Variants in MYH11 observed in about 807,000 individuals in gnomAD.
MYH11 encodes the protein myosin-11.
MYH11 carries 80 observed loss-of-function variants against 246.6 expected under a neutral mutation model. The observed-to-expected ratio is 0.32, with a 90% CI of 0.27 to 0.39. The LOEUF is 0.39. Ranked by LOEUF, MYH11 falls within the 10% of genes least tolerant of loss-of-function variation. The pLI, the probability that MYH11 is intolerant of heterozygous loss-of-function variation, is 1.00. For synonymous variants in MYH11, 1,071 were observed against 1,015.5 expected, an observed-to-expected ratio of 1.05 and a Z score of -1.04; for missense variants, 2,158 against 2,546.8, an observed-to-expected ratio of 0.85 and a Z score of 3.29.
At chr16:15,710,169 C>T (rs538124378) in intron 40 of MYH11, among the ~76,000 whole-genome samples, 1 of 152,142 alleles carries the variant, frequency 6.6e-6, no homozygotes, top group Non-Finnish European at 1.5e-5. Context: ...CCCTTGGCTG[C>T]CCAAGAAGGC....
chr16:15,724,416 G>A lies in MYH11; in HGVS notation c.4117-7C>T, dbSNP rs752531899. On this transcript the variant is annotated splice_polypyrimidine_tract_variant and splice_region_variant and intron_variant, in intron 30 of 40. Coordinates refer to ENST00000300036, the MANE Select transcript of MYH11 (RefSeq NM_002474.3). ...TCTTCTTCGAGTCGGAGAGCTACAA[G>A]GACAGCGTCCAGGGTAGGGTGAGAG... 7 of 1,613,768 alleles carry A rather than the reference G, an allele frequency of 4.3e-6. No individual in the cohort carries two copies. The highest frequency in any genetic ancestry group is 4.2e-6 in the Non-Finnish European group (5 of 1,180,044).
At chr16:15,755,297 T>TTGATGA (rs61470717) in intron 14 of MYH11, among the ~76,000 whole-genome samples, 4 of 151,986 alleles carry the variant, frequency 2.6e-5, no homozygotes, top group African/African-American at 4.8e-5. Context: ...CCAAGGCATG[T>TTGATGA]TGATGATGAT....
chr16:15,763,222 G>A (rs1216994618), intron 10 of MYH11, among the ~76,000 whole-genome samples: 2 of 152,076 alleles, frequency 1.3e-5, no homozygotes, highest in Admixed American at 1.3e-4. Flanking sequence ...TAATTCTCAG[G>A]GCAATTGAGG....
intron 28 of MYH11, 159 bp from the exon 29 acceptor site, chr16:15,725,151 A>AAC: frequency 1.6e-6 from 1 of 641,768 alleles, no homozygotes; most frequent in South Asian, 1.8e-5. Context: ...AAAAAAAAAC[A>AAC]CACACACACA....
At chr16:15,718,091 G>A (rs1308020980) in intron 37 of MYH11, 4 of 681,226 alleles carry the variant, frequency 5.9e-6, no homozygotes, top group Admixed American at 2.9e-5. Flanking sequence ...GCCACGCCGT[G>A]GCTGGAAAAT....
At chr16:15,797,568 AAATAT>A (rs1424433093) in intron 4 of MYH11, among the ~76,000 whole-genome samples, 2 of 148,314 alleles carry the variant, frequency 1.3e-5, no homozygotes, top group African/African-American at 2.4e-5. Context: ...TAAATATATT[AAATAT>A]AATACATATT....
At chr16:15,788,077 C>CTTTTTTTTTTTTTTATTTTTTTTTTTT (rs2042516006) in intron 4 of MYH11, among the ~76,000 whole-genome samples, 1 of 55,376 alleles carries the variant, frequency 1.8e-5, no homozygotes, top group Admixed American at 2.2e-4. Context: ...GAAGGTAGAT[C>CTTTTTTTTTTTTTTATTTTTTTTTTTT]TTTTTTTTTT....
intron 7 of MYH11, among the ~76,000 whole-genome samples, chr16:15,776,522 C>A (rs1452340593): frequency 2.6e-5 from 4 of 152,158 alleles, no homozygotes. Context: ...AATAATGACA[C>A]CATCTATGAT....
At chr16:15,795,701 C>CAA (rs2042728591) in intron 4 of MYH11, among the ~76,000 whole-genome samples, 1 of 152,202 alleles carries the variant, frequency 6.6e-6, no homozygotes, top group Non-Finnish European at 1.5e-5. Context: ...ACTTTCACTA[C>CAA]AATAGCAGCT....
At chr16:15,739,989 A>ATAGG (rs2041225723) in intron 23 of MYH11, 62 bp downstream of exon 23, 2 of 1,580,120 alleles carry the variant, frequency 1.3e-6, no homozygotes, top group Non-Finnish European at 1.7e-6. Flanking sequence ...TGATCCACAT[A>ATAGG]CCTTGGCCTC....
intron 3 of MYH11, among the ~76,000 whole-genome samples, chr16:15,801,230 T>C (rs1395574209): frequency 6.6e-6 from 1 of 151,874 alleles, no homozygotes; most frequent in African/African-American, 2.4e-5. Flanking sequence ...TATAAATACA[T>C]AAATAAAATA....
chr16:15,817,417 A>G (rs530202558), intron 3 of MYH11, among the ~76,000 whole-genome samples: 101 of 152,206 alleles, frequency 6.6e-4, no homozygotes, highest in Non-Finnish European at 1.3e-3. Context: ...GCTTGAACCC[A>G]GGAGACAGAG....
chr16:15,799,354 C>T (rs2042828197), intron 3 of MYH11, among the ~76,000 whole-genome samples: 1 of 152,208 alleles, frequency 6.6e-6, no homozygotes, highest in Non-Finnish European at 1.5e-5. Flanking sequence ...AGCAGGTGGA[C>T]AGAGCCCTGA....
Position 15,741,688 on chromosome 16 carries a change from G to A in MYH11, c.2653-19C>T, listed in dbSNP as rs1490690225. On this transcript the variant is annotated intron_variant, in intron 21 of 40. Transcript: ENST00000300036. ...CGGTCAGCTGCACGCAGGTGGTGGG[G>A]AGGAGGCGGGTGAGCCCCACGGGGC... The A allele has an allele frequency of 6.2e-6, 10 of 1,613,996 alleles. No individual in the cohort carries two copies. The highest frequency in any genetic ancestry group is 7.6e-6 in the Non-Finnish European group (9 of 1,180,044).
At chr16:15,782,701 G>T in intron 5 of MYH11, 1 of 526,632 alleles carries the variant, frequency 1.9e-6, no homozygotes, top group East Asian at 3.4e-5. Context: ...CCCTAGGAAG[G>T]TCACTTTTTT....
intron 2 of MYH11, among the ~76,000 whole-genome samples, chr16:15,833,673 G>A (rs2043814085): frequency 6.6e-6 from 1 of 152,164 alleles, no homozygotes; most frequent in Non-Finnish European, 1.5e-5. Flanking sequence ...CTTCTCAAGG[G>A]CACATCGTTT....
In MYH11 at chr16:15,745,203, T is replaced by C. The variant is rs1243566183; in HGVS notation, c.2446A>G (p.Met816Val). 2 of 1,613,558 alleles carry C rather than the reference T, an allele frequency of 1.2e-6. 1 individual carries two copies. Among genetic ancestry groups the C allele is most frequent in the Middle Eastern group, 3.3e-4 (2 of 6,058 alleles). ...FAKRQQQLTA[M>V]KVIQRNCAAY... ...GCGCAGTTCCTCTGAATCACCTTCA[T>C]GGCGGTCAGCTGCTGCTGCCTCTTG... The change falls in exon 20 of 41, where the codon ATG (methionine) becomes GTG (valine). Residue 816 changes from methionine (M) to valine (V), a missense_variant. Met to Val is a conservative substitution (Grantham distance 21). Coordinates refer to ENST00000300036, the MANE Select transcript of MYH11 (RefSeq NM_002474.3).
chr16:15,771,719 G>A lies in MYH11; in HGVS notation c.890-7C>T, dbSNP rs371137595. 1 of 1,614,118 alleles carries A rather than the reference G, an allele frequency of 6.2e-7. No individual in the cohort carries two copies. Among genetic ancestry groups the A allele is most frequent in the Non-Finnish European group, 8.5e-7 (1 of 1,180,022 alleles). On this transcript the variant is annotated splice_region_variant and splice_polypyrimidine_tract_variant and intron_variant, in intron 8 of 40. Coordinates refer to ENST00000300036, the MANE Select transcript of MYH11 (RefSeq NM_002474.3). ...CCCTCCAAAAGCAAGTCACCTAGAAGGAGAGGAAGACAGGTCAGGGTCAAT... is the reference window on the plus strand; with the variant it reads ...CCCTCCAAAAGCAAGTCACCTAGAAAGAGAGGAAGACAGGTCAGGGTCAAT...
chr16:15,800,587 G>A (rs771298913), intron 3 of MYH11, among the ~76,000 whole-genome samples: 4 of 147,050 alleles, frequency 2.7e-5, no homozygotes, highest in South Asian at 2.2e-4. Flanking sequence ...TGTATAGGCC[G>A]GTAAATGAGT....
Sources: gnomAD v4.1 joint callset for allele counts (sites outside exome capture counted in the v4.1 genomes callset) on GRCh38, gnomAD v4.1.1 for gene constraint, MANE v1.5 for transcripts, NCBI Gene and HGNC (gene_info 2026-07-23, HGNC 2026-07-21) for gene names.